The following VIPR2 variants were observed in gnomAD, a reference collection of about 807,000 sequenced individuals.
VIPR2 encodes the protein vasoactive intestinal polypeptide receptor 2.
In VIPR2, 48 loss-of-function variants were observed where a neutral mutation model predicts 58.0. That is an observed-to-expected ratio of 0.83 (90% CI 0.66 to 1.05). The LOEUF (loss-of-function observed/expected upper bound fraction) is 1.05, where lower values mean the gene tolerates loss of function less well. Among genes scored for constraint, VIPR2 ranks in the 50% least tolerant of loss-of-function variants. The probability of loss-of-function intolerance (pLI) is 0.00; values close to 1 mark genes in which losing one functional copy is unlikely to be tolerated. For missense variants in VIPR2, 534 were observed against 558.0 expected, an observed-to-expected ratio of 0.96 and a Z score of 0.43; for synonymous variants, 243 against 235.2, an observed-to-expected ratio of 1.03 and a Z score of -0.30.
chr7:159,087,649 T>A (rs1267670387), intron 4 of VIPR2, among the ~76,000 whole-genome samples: 36 of 114,906 alleles, frequency 3.1e-4, no homozygotes, highest in African/African-American at 1.1e-3. Flanking sequence ...CCCAGGACTC[T>A]GATAGTGAGA....
chr7:159,038,718 A>G lies in VIPR2; in HGVS notation c.598-1816T>C, dbSNP rs1854129107. On this transcript the variant is annotated intron_variant, in intron 6 of 12. Coordinates refer to ENST00000262178, the MANE Select transcript of VIPR2 (RefSeq NM_003382.5). The stretch of plus-strand genomic sequence containing the variant: ...TGCAGATGAACCAAGACACAAATGA[A>G]CAATCTCAGAATAGAAACCTCTTAA... Among the ~76,000 whole-genome samples, 3 of 152,204 alleles carry G rather than the reference A, an allele frequency of 2.0e-5. No individual in the cohort carries two copies. The South Asian group carries it at 6.2e-4, about 32-fold the overall frequency.
rs548269343 is a variant in VIPR2 at position 159,142,733 on chromosome 7, G to T, written c.52-188C>A. ...AAACTTCACTATTTACTTTGTAAAG[G>T]TATTATAAAACAAACACAAAATCTA... On this transcript the variant is annotated intron_variant, in intron 1 of 12. Transcript: ENST00000262178. Among the ~76,000 whole-genome samples the T allele has an allele frequency of 3.3e-5, 5 of 151,316 alleles. No homozygotes were observed. In the South Asian group the frequency reaches 1.0e-3, roughly 32 times the overall value.
At chr7:159,138,888 T>C (rs771175833) in intron 2 of VIPR2, among the ~76,000 whole-genome samples, 1 of 152,260 alleles carries the variant, frequency 6.6e-6, no homozygotes, top group Non-Finnish European at 1.5e-5. Context: ...GAATTTTCAT[T>C]AATTTGTTCA....
At chr7:159,117,938 G>A (rs399867) in intron 2 of VIPR2, among the ~76,000 whole-genome samples, 66,942 of 152,090 alleles carry the variant, frequency 0.44, 16,874 homozygotes, top group Non-Finnish European at 0.59. Context: ...GCATTTAGAA[G>A]CAAATATTTC....
chr7:159,065,036 C>G (rs1171170828), intron 4 of VIPR2, among the ~76,000 whole-genome samples: 2 of 152,178 alleles, frequency 1.3e-5, no homozygotes, highest in Non-Finnish European at 2.9e-5. Context: ...CCCACTGCAC[C>G]GCTCTCTGAA....
intron 4 of VIPR2, among the ~76,000 whole-genome samples, chr7:159,064,314 C>T (rs1236252144): frequency 6.6e-6 from 1 of 152,056 alleles, no homozygotes. Context: ...GCCCCGTGGG[C>T]TCGAGCGGGT....
At chr7:159,142,217 G>A (rs1797498682) in intron 2 of VIPR2, among the ~76,000 whole-genome samples, 1 of 152,190 alleles carries the variant, frequency 6.6e-6, no homozygotes, top group Non-Finnish European at 1.5e-5. Context: ...CATGGAAACT[G>A]TTACTGCTAA....
At chr7:159,102,233 G>A (rs57598334) in intron 4 of VIPR2, among the ~76,000 whole-genome samples, 9 of 152,016 alleles carry the variant, frequency 5.9e-5, no homozygotes, top group East Asian at 3.9e-4. Context: ...CCGATGAGGC[G>A]GTTCCGACTG....
At chr7:159,131,557 C>T (rs1447686819) in intron 2 of VIPR2, among the ~76,000 whole-genome samples, 1 of 152,230 alleles carries the variant, frequency 6.6e-6, no homozygotes, top group Non-Finnish European at 1.5e-5. Context: ...CCTCGCCCCT[C>T]TCCCCACAGG....
chr7:159,036,790 G>A lies in VIPR2; in HGVS notation c.710C>T (p.Pro237Leu), dbSNP rs758895423. Residue 237 changes from proline (P) to leucine (L), a missense_variant, in exon 7 of 13, where the codon CCT becomes CTT. By Grantham distance (98) the Pro-to-Leu change is moderately conservative (BLOSUM62 -3). Around this residue, in one of 3 missense-constraint regions of VIPR2, gnomAD observed 306 missense variants for 285.8 expected, o/e 1.07. Transcript: ENST00000262178. Reference sequence around the variant, plus strand: ...GAGGTAGGCCAGGAAGCACCTTCTAGGGGGGAGCATGGCCACCAGGAGGGT... The same window carrying A: ...GAGGTAGGCCAGGAAGCACCTTCTAAGGGGGAGCATGGCCACCAGGAGGGT... ...LHTLLVAMLP[P>L]RRCFLAYLLI... 1.2e-6 allele frequency: 2 copies of A among 1,613,756 alleles called. No homozygotes were observed. Among genetic ancestry groups the A allele is most frequent in the African/African-American group, 1.3e-5 (1 of 75,038 alleles).
chr7:159,055,753 T>G (rs1855283843), intron 5 of VIPR2, among the ~76,000 whole-genome samples: 1 of 152,258 alleles, frequency 6.6e-6, no homozygotes, highest in Admixed American at 6.5e-5. Flanking sequence ...TTACAGCCAT[T>G]GCTCAGAGAT....
chr7:159,043,208 G>A, intron 5 of VIPR2, 32 bp from the exon 6 acceptor site: 1 of 1,574,330 alleles, frequency 6.4e-7, no homozygotes, highest in Non-Finnish European at 8.7e-7. Flanking sequence ...GAGAGGAATT[G>A]GAGGGGGAAG....
At chr7:159,115,383 T>C (rs6459924) in intron 2 of VIPR2, among the ~76,000 whole-genome samples, 53,219 of 151,986 alleles carry the variant, frequency 0.35, 11,090 homozygotes, top group African/African-American at 0.6. Flanking sequence ...TGGGTCATTG[T>C]TCTTCGGCTA....
At chr7:159,110,026 A>G (rs1433276228) in intron 2 of VIPR2, 107 bp from the exon 3 acceptor site, 7 of 986,302 alleles carry the variant, frequency 7.1e-6, no homozygotes, top group Non-Finnish European at 1.1e-5. Flanking sequence ...CCTGTGAAAC[A>G]CACTTGCACC....
chr7:159,060,793 C>T (rs1165286961), intron 4 of VIPR2, among the ~76,000 whole-genome samples: 2 of 152,206 alleles, frequency 1.3e-5, no homozygotes, highest in African/African-American at 4.8e-5. Context: ...TAACAGCCAC[C>T]CTCACATCAC....
In VIPR2 at chr7:159,098,452, A is replaced by G. The variant is rs1857997584; in HGVS notation, c.357+5305T>C. The stretch of plus-strand genomic sequence containing the variant: ...GGCCTGAAAGCTGGTCTTGGCAGGA[A>G]GAGGACACAGACGGGAAGACCTTGG... On this transcript the variant is annotated intron_variant, in intron 4 of 12. Coordinates refer to ENST00000262178, the MANE Select transcript of VIPR2 (RefSeq NM_003382.5). This position sits in a 1 kb window ranked among gnomAD's most constrained non-coding sequence, Gnocchi z 5.2. 6.6e-6 allele frequency among the ~76,000 whole-genome samples: 1 copy of G among 152,208 alleles called. No homozygotes were observed. The highest frequency in any genetic ancestry group is 2.4e-5 in the African/African-American group (1 of 41,460).
intron 4 of VIPR2, among the ~76,000 whole-genome samples, chr7:159,062,703 G>C (rs1312361889): frequency 3.3e-5 from 5 of 151,936 alleles, no homozygotes; most frequent in Non-Finnish European, 7.4e-5. Flanking sequence ...TATTACAAAG[G>C]GCAAAAGAAC....
At chr7:159,120,577 A>C (rs530312586) in intron 2 of VIPR2, among the ~76,000 whole-genome samples, 42 of 152,332 alleles carry the variant, frequency 2.8e-4, no homozygotes, top group African/African-American at 9.4e-4. Flanking sequence ...CCAGGTGTAA[A>C]TTTTCAAATT....
chr7:159,043,179 G>C lies in VIPR2; in HGVS notation c.456-3C>G. The C allele has an allele frequency of 6.2e-7, 1 of 1,609,706 alleles. No homozygotes were observed. The highest frequency in any genetic ancestry group is 1.1e-5 in the South Asian group (1 of 90,490). On this transcript the variant is annotated splice_region_variant and splice_polypyrimidine_tract_variant and intron_variant, in intron 5 of 12. Coordinates refer to ENST00000262178, the MANE Select transcript of VIPR2 (RefSeq NM_003382.5). ...AATTCCTGGTGCAGTGCAGCTTCCT[G>C]AGGTGGGGGAGTGGGAGAGAGAGGA...
Sources: gnomAD v4.1 joint callset for allele counts (sites outside exome capture counted in the v4.1 genomes callset) on GRCh38, gnomAD v4.1.1 for gene constraint, gnomAD v4.1.1 regional missense constraint, Gnocchi (gnomAD v3.1) non-coding constraint, MANE v1.5 for transcripts, NCBI Gene and HGNC (gene_info 2026-07-23, HGNC 2026-07-21) for gene names.